SOX5: variants seen among roughly 807,000 people sequenced by gnomAD.
SOX5 encodes SRY-box transcription factor 5, also known as transcription factor SOX-5.
In SOX5, 9 loss-of-function variants were observed where a neutral mutation model predicts 92.0. The observed-to-expected ratio is 0.10, with a 90% CI of 0.06 to 0.17. SOX5 has a LOEUF of 0.17. SOX5 is among the 10% of genes least tolerant of loss of function. The pLI, the probability that SOX5 is intolerant of heterozygous loss-of-function variation, is 1.00. For missense variants in SOX5, 642 were observed against 944.5 expected, an observed-to-expected ratio of 0.68 and a Z score of 4.20; for synonymous variants, 344 against 336.3, an observed-to-expected ratio of 1.02 and a Z score of -0.25.
intron 4 of SOX5, among the ~76,000 whole-genome samples, chr12:24,005,083 A>G (rs1482171426): frequency 6.6e-6 from 1 of 152,040 alleles, no homozygotes; most frequent in Non-Finnish European, 1.5e-5. Flanking sequence ...CCTGGAACAG[A>G]GATTAATTGC....
intron 1 of SOX5, among the ~76,000 whole-genome samples, chr12:24,383,327 T>C (rs1278695224): frequency 6.6e-6 from 1 of 152,236 alleles, no homozygotes; most frequent in East Asian, 1.9e-4. Context: ...TAGAGACAAT[T>C]CCTTAAAGCT....
intron 3 of SOX5, among the ~76,000 whole-genome samples, chr12:24,222,482 A>G (rs1036823822): frequency 6.6e-6 from 1 of 152,066 alleles, no homozygotes; most frequent in Non-Finnish European, 1.5e-5. Flanking sequence ...GAGCAAATAG[A>G]AGGATGGAAT....
At chr12:24,250,107 T>C (rs1035935248) in intron 3 of SOX5, among the ~76,000 whole-genome samples, 1 of 152,172 alleles carries the variant, frequency 6.6e-6, no homozygotes, top group Non-Finnish European at 1.5e-5. Context: ...TAGAAATCCA[T>C]CTAAACTGCG....
intron 4 of SOX5, among the ~76,000 whole-genome samples, chr12:23,997,960 G>C (rs1332423464): frequency 6.6e-6 from 1 of 152,054 alleles, no homozygotes; most frequent in East Asian, 1.9e-4. Flanking sequence ...TACTATGGTG[G>C]GGGGGTGCAA....
chr12:24,135,385 T>G (rs975438955), intron 4 of SOX5, among the ~76,000 whole-genome samples: 1 of 152,226 alleles, frequency 6.6e-6, no homozygotes, highest in Non-Finnish European at 1.5e-5. Context: ...CCATGTTTCC[T>G]TGGAATTCCC....
At chr12:24,068,088 T>C (rs1569531665) in intron 4 of SOX5, among the ~76,000 whole-genome samples, 2 of 152,194 alleles carry the variant, frequency 1.3e-5, no homozygotes, top group South Asian at 2.1e-4. Context: ...GAGGTTGCAG[T>C]GAGCCAAGAT....
intron 3 of SOX5, among the ~76,000 whole-genome samples, chr12:23,776,939 C>G (rs1444113669): frequency 6.6e-6 from 1 of 152,164 alleles, no homozygotes; most frequent in Non-Finnish European, 1.5e-5. Context: ...ATTGTCACTT[C>G]CTATTTTCAA....
intron 2 of SOX5, among the ~76,000 whole-genome samples, chr12:24,288,270 T>C (rs12320066): frequency 0.12 from 18,291 of 152,112 alleles, 2,172 homozygotes; most frequent in African/African-American, 0.3. Context: ...CAAAGAATTA[T>C]CTGATCCAGA....
intron 4 of SOX5, among the ~76,000 whole-genome samples, chr12:24,183,786 G>T (rs1165076781): frequency 6.6e-6 from 1 of 152,012 alleles, no homozygotes; most frequent in Non-Finnish European, 1.5e-5. Flanking sequence ...AAACTGCGAG[G>T]GTTTAGTTCC....
At chr12:24,559,256 G>T (rs368607852) in intron 1 of SOX5, among the ~76,000 whole-genome samples, 1 of 152,118 alleles carries the variant, frequency 6.6e-6, no homozygotes, top group Non-Finnish European at 1.5e-5. Flanking sequence ...TAAGTTTCCA[G>T]GTTACTCTCA....
chr12:24,288,682 T>A (rs1946213396), intron 2 of SOX5, among the ~76,000 whole-genome samples: 1 of 152,106 alleles, frequency 6.6e-6, no homozygotes, highest in African/African-American at 2.4e-5. Context: ...CAGTTGTGAA[T>A]AAAGGAGTAA....
chr12:23,800,216 T>G (rs73263712), intron 3 of SOX5, among the ~76,000 whole-genome samples: 4,555 of 152,256 alleles, frequency 0.03, 245 homozygotes, highest in African/African-American at 0.1. Context: ...ATATAAAATT[T>G]ACATTTGTGT....
chr12:24,508,667 A>G (rs1441964257), intron 1 of SOX5, among the ~76,000 whole-genome samples: 1 of 152,190 alleles, frequency 6.6e-6, no homozygotes, highest in Admixed American at 6.5e-5. Context: ...GCTGTGGTCC[A>G]GGGCTGTGTC....
chr12:24,349,686 T>C (rs1215661819), intron 2 of SOX5, among the ~76,000 whole-genome samples: 1 of 152,260 alleles, frequency 6.6e-6, no homozygotes, highest in Non-Finnish European at 1.5e-5. Flanking sequence ...TATCCACCAA[T>C]GGACACTTTG....
intron 4 of SOX5, among the ~76,000 whole-genome samples, chr12:24,116,150 A>T (rs1025351503): frequency 1.3e-5 from 2 of 152,178 alleles, no homozygotes; most frequent in African/African-American, 4.8e-5. Context: ...TCATAGCAGA[A>T]GATGCCTTAA....
At chr12:24,412,220 A>G (rs189309326) in intron 1 of SOX5, among the ~76,000 whole-genome samples, 2 of 152,030 alleles carry the variant, frequency 1.3e-5, no homozygotes, top group Admixed American at 6.5e-5. Context: ...AAATTTGTCA[A>G]TTTTACTGAT....
intron 1 of SOX5, among the ~76,000 whole-genome samples, chr12:24,488,141 G>T (rs1296983457): frequency 6.6e-6 from 1 of 152,062 alleles, no homozygotes; most frequent in East Asian, 1.9e-4. Context: ...AATCATCATG[G>T]ATCTATTCAA....
At chr12:24,429,253 C>T (rs945840924) in intron 1 of SOX5, among the ~76,000 whole-genome samples, 3 of 151,888 alleles carry the variant, frequency 2.0e-5, no homozygotes, top group Admixed American at 6.6e-5. Context: ...GGAGGCGGAG[C>T]TTGCAGTGAG....
intron 2 of SOX5, among the ~76,000 whole-genome samples, chr12:24,338,234 T>G (rs893468817): frequency 1.3e-5 from 2 of 152,198 alleles, no homozygotes; most frequent in African/African-American, 4.8e-5. Flanking sequence ...TATTGGTCAT[T>G]TGCTTAGATA....
Sources: allele counts gnomAD v4.1 joint callset (sites outside exome capture counted in the v4.1 genomes callset), GRCh38; gene constraint gnomAD v4.1.1; transcripts MANE v1.5; gene names NCBI Gene and HGNC (gene_info 2026-07-23, HGNC 2026-07-21).